Variants in FTMT observed in about 807,000 individuals in gnomAD.
FTMT encodes ferritin, mitochondrial.
A neutral mutation model predicts 4.9 loss-of-function variants in FTMT; 5 were observed. That is an observed-to-expected ratio of 1.03 (90% CI 0.54 to 2.16). FTMT has a LOEUF of 2.16. Ranked by LOEUF, FTMT falls within the 30% of genes most tolerant of loss-of-function variation. The pLI, the probability that FTMT is intolerant of heterozygous loss-of-function variation, is 0.01. For missense variants in FTMT, 393 were observed against 323.0 expected (o/e 1.22, Z -1.66); for synonymous variants, 174 against 143.6 (o/e 1.21, Z -1.51).
rs1224734188 is a variant in FTMT at position 121,852,600 on chromosome 5, C to G, written c.637C>G (p.His213Asp). The G allele has an allele frequency of 6.2e-7, 1 of 1,614,080 alleles. No individual in the cohort carries two copies. The change falls in exon 1 of 1, where the codon CAC (histidine) becomes GAC (aspartate). Residue 213 changes from histidine to aspartate, a missense_variant. Physicochemically the swap from His to Asp is moderately conservative, Grantham distance 81. Coordinates refer to ENST00000321339, the MANE Select transcript of FTMT (RefSeq NM_177478.2). ...KSIKELGDHV[H>D]NLVKMGAPDA... ...TATCAAAGAACTAGGTGACCACGTG[C>G]ACAACTTAGTGAAGATGGGGGCCCC...
rs760295418 is a variant in FTMT at position 121,852,321 on chromosome 5, C to T, written c.358C>T (p.Arg120Trp). 3.1e-6 allele frequency: 5 copies of T among 1,614,110 alleles called. No homozygotes were observed. The highest frequency in any genetic ancestry group is 3.3e-5 in the Admixed American group (2 of 60,016). ...CTCCAGGTATTTCCTTCACCAGTCC[C>T]GGGAGGAGACCGAGCACGCGGAGAA... ...NFSRYFLHQS[R>W]EETEHAEKLM... The change falls in exon 1 of 1, where the codon CGG becomes TGG. Residue 120 changes from arginine to tryptophan, a missense_variant. Transcript: ENST00000321339.
chr5:121,852,640 C>A lies in FTMT; in HGVS notation c.677C>A (p.Ala226Glu). Residue 226 changes from alanine (A) to glutamate (E), a missense_variant, in exon 1 of 1, where the codon GCG (alanine) becomes GAG (glutamate). Coordinates refer to ENST00000321339, the MANE Select transcript of FTMT (RefSeq NM_177478.2). ...ATGGGGGCCCCGGATGCTGGCCTGG[C>A]GGAGTACCTTTTTGACACACATACC... ...VKMGAPDAGLAEYLFDTHTLG... is the reference protein window; with the variant it reads ...VKMGAPDAGLEEYLFDTHTLG... 1.9e-6 allele frequency: 3 copies of A among 1,613,978 alleles called. No individual in the cohort carries two copies. Among genetic ancestry groups the A allele is most frequent in the Non-Finnish European group, 2.5e-6 (3 of 1,179,986 alleles).
Position 121,852,523 on chromosome 5 carries a change from C to G in FTMT, c.560C>G (p.Pro187Arg), listed in dbSNP as rs777579287. ...LHALASDKGDPHLCDFLETYY... is the reference protein window; with the variant it reads ...LHALASDKGDRHLCDFLETYY... ...GCTCTAGCCTCAGATAAAGGTGACC[C>G]CCATTTGTGCGATTTCCTGGAAACC... The change falls in exon 1 of 1, where the codon CCC (proline) becomes CGC (arginine). Residue 187 changes from proline (P) to arginine (R), a missense_variant. Coordinates refer to ENST00000321339, the MANE Select transcript of FTMT (RefSeq NM_177478.2). 1 of 1,614,082 alleles carries G rather than the reference C, an allele frequency of 6.2e-7. No homozygotes were observed. Among genetic ancestry groups the G allele is most frequent in the East Asian group, 2.2e-5 (1 of 44,858 alleles).
chr5:121,852,068 G>A lies in FTMT; in HGVS notation c.105G>A (p.Gly35=), dbSNP rs1161273212. 1.9e-6 allele frequency: 3 copies of A among 1,589,518 alleles called. No individual in the cohort carries two copies. The highest frequency in any genetic ancestry group is 1.1e-5 in the South Asian group (1 of 90,010). The change falls in exon 1 of 1, where the codon GGG becomes GGA. Residue 35 remains glycine, a synonymous_variant. Transcript: ENST00000321339. ...CFALPLRWAP[G]RPLDPRQIAP... is the part of the protein sequence containing the mutation. Reference sequence around the variant, plus strand: ...CGCTCCCGCTGCGTTGGGCCCCGGGGCGCCCCTTGGACCCCAGGCAGATCG... The same window carrying A: ...CGCTCCCGCTGCGTTGGGCCCCGGGACGCCCCTTGGACCCCAGGCAGATCG...
At position 121,852,418 on chromosome 5, in the gene FTMT, A is replaced by C. The variant is rs1365123063; in HGVS notation, c.455A>C (p.Asp152Ala). 1.2e-6 allele frequency: 2 copies of C among 1,614,102 alleles called. No homozygotes were observed. The highest frequency in any genetic ancestry group is 4.5e-5 in the East Asian group (2 of 44,842). ...GACATCAAGAAGCCGGAACAGGACG[A>C]CTGGGAAAGCGGGCTGCATGCCATG... ...LQDIKKPEQD[D>A]WESGLHAMEC... Residue 152 changes from aspartate to alanine, a missense_variant, in exon 1 of 1, where the codon GAC becomes GCC. Physicochemically the swap from Asp to Ala is moderately radical, Grantham distance 126. Transcript: ENST00000321339.
rs1239721883 is a variant in FTMT, at chr5:121,852,217, A to G, written c.254A>G (p.Asn85Ser). 15 of 1,613,952 alleles carry G rather than the reference A, an allele frequency of 9.3e-6. No homozygotes were observed. The highest frequency in any genetic ancestry group is 1.3e-5 in the Non-Finnish European group (15 of 1,179,998). ...DSEAAINRQI[N>S]LELYASYVYL... ...GAGGCTGCCATCAACCGCCAGATCA[A>G]CCTCGAGCTCTATGCGTCCTACGTG... is the stretch of plus-strand genomic sequence containing the variant. Residue 85 changes from asparagine to serine, a missense_variant, in exon 1 of 1, where the codon AAC (asparagine) becomes AGC (serine). Transcript: ENST00000321339.
Position 121,852,098 on chromosome 5 carries a change from C to A in FTMT, c.135C>A (p.Pro45=), listed in dbSNP as rs543809722. ...GRPLDPRQIA[P]RRPLAAAASS... Reference sequence around the variant, plus strand: ...CCTTGGACCCCAGGCAGATCGCCCCCCGCCGCCCCCTGGCCGCAGCCGCCT... The same window carrying A: ...CCTTGGACCCCAGGCAGATCGCCCCACGCCGCCCCCTGGCCGCAGCCGCCT... Residue 45 remains proline, a synonymous_variant, in exon 1 of 1, where the codon CCC becomes CCA. Transcript: ENST00000321339. 3.2e-6 allele frequency: 5 copies of A among 1,577,554 alleles called. No individual in the cohort carries two copies. In the South Asian group the frequency reaches 5.7e-5, roughly 18 times the overall value.
chr5:121,852,414 G>C lies in FTMT; in HGVS notation c.451G>C (p.Asp151His). The change falls in exon 1 of 1, where the codon GAC becomes CAC. Residue 151 changes from aspartate (D) to histidine (H), a missense_variant. Asp to His is a moderately conservative substitution (Grantham distance 81). Transcript: ENST00000321339. ...GCAGGACATCAAGAAGCCGGAACAG[G>C]ACGACTGGGAAAGCGGGCTGCATGC... is the stretch of plus-strand genomic sequence containing the variant. Reference protein sequence around the residue: ...RLQDIKKPEQDDWESGLHAME... With the variant: ...RLQDIKKPEQHDWESGLHAME... 6.2e-7 allele frequency: 1 copy of C among 1,614,162 alleles called. No homozygotes were observed. The highest frequency in any genetic ancestry group is 8.5e-7 in the Non-Finnish European group (1 of 1,180,038).
chr5:121,852,695 C>T lies in FTMT; in HGVS notation c.*3C>T, dbSNP rs745953340. 5 of 1,607,524 alleles carry T rather than the reference C, an allele frequency of 3.1e-6. No individual in the cohort carries two copies. The Admixed American group carries it at 6.7e-5, about 22-fold the overall frequency. The stretch of plus-strand genomic sequence containing the variant: ...GAAATGAAAACAAGCAGAACTAAGC[C>T]ACGAGCTGCCTTCCTCCCAGGCTAG... On this transcript the variant is annotated 3_prime_UTR_variant, in exon 1 of 1. Transcript: ENST00000321339.
In FTMT at chr5:121,852,543, G is replaced by C. The variant is rs1242858285; in HGVS notation, c.580G>C (p.Glu194Gln). 2 of 1,614,098 alleles carry C rather than the reference G, an allele frequency of 1.2e-6. No individual in the cohort carries two copies. Among genetic ancestry groups the C allele is most frequent in the East Asian group, 4.5e-5 (2 of 44,858 alleles). ...KGDPHLCDFL[E>Q]TYYLNEQVKS... is the part of the protein sequence containing the mutation. ...TGACCCCCATTTGTGCGATTTCCTG[G>C]AAACCTACTACCTGAATGAGCAGGT... Residue 194 changes from glutamate to glutamine, a missense_variant, in exon 1 of 1, where the codon GAA becomes CAA. Transcript: ENST00000321339.
Position 121,852,750 on chromosome 5 carries a change from C to G in FTMT, c.*58C>G. 1 of 1,544,574 alleles carries G rather than the reference C, an allele frequency of 6.5e-7. No individual in the cohort carries two copies. Among genetic ancestry groups the G allele is most frequent in the Non-Finnish European group, 8.7e-7 (1 of 1,144,294 alleles). On this transcript the variant is annotated 3_prime_UTR_variant, in exon 1 of 1. Coordinates refer to ENST00000321339, the MANE Select transcript of FTMT (RefSeq NM_177478.2). ...TCCAAAGACCAAAGTCAGCTGTCTC[C>G]TGCTTTCTTGCCCTTAAAATCACCT...
chr5:121,852,733 C>T lies in FTMT; in HGVS notation c.*41C>T. On this transcript the variant is annotated 3_prime_UTR_variant, in exon 1 of 1. Transcript: ENST00000321339. ...CCTCCCAGGCTAGTGGATCCAAAGA[C>T]CAAAGTCAGCTGTCTCCTGCTTTCT... 6.4e-7 allele frequency: 1 copy of T among 1,572,666 alleles called. No homozygotes were observed. Among genetic ancestry groups the T allele is most frequent in the Non-Finnish European group, 8.6e-7 (1 of 1,159,664 alleles).
Position 121,851,937 on chromosome 5 carries a change from T to C in FTMT, c.-27T>C. On this transcript the variant is annotated 5_prime_UTR_variant, in exon 1 of 1. Transcript: ENST00000321339. ...CCACGCCAAGAGGGCCGGGCCTCAG[T>C]TTCCCCACTTCCAAGGAGGCGGCGC... The C allele has an allele frequency of 6.4e-7, 1 of 1,561,360 alleles. No homozygotes were observed.
rs138610881 is a variant in FTMT, at chr5:121,852,627, G to A, written c.664G>A (p.Asp222Asn). 6.0e-5 allele frequency: 97 copies of A among 1,613,988 alleles called. No homozygotes were observed. The African/African-American group carries it at 1.1e-3, about 19-fold the overall frequency. ...VHNLVKMGAP[D>N]AGLAEYLFDT... ...CAACTTAGTGAAGATGGGGGCCCCGGATGCTGGCCTGGCGGAGTACCTTTT... is the reference window on the plus strand; with the variant it reads ...CAACTTAGTGAAGATGGGGGCCCCGAATGCTGGCCTGGCGGAGTACCTTTT... The change falls in exon 1 of 1, where the codon GAT (aspartate) becomes AAT (asparagine). Residue 222 changes from aspartate (D) to asparagine (N), a missense_variant. By Grantham distance (23) the Asp-to-Asn change is conservative. Coordinates refer to ENST00000321339, the MANE Select transcript of FTMT (RefSeq NM_177478.2).
Position 121,852,562 on chromosome 5 carries a change from A to C in FTMT, c.599A>C (p.Glu200Ala). The change falls in exon 1 of 1, where the codon GAG (glutamate) becomes GCG (alanine). Residue 200 changes from glutamate (E) to alanine (A), a missense_variant. Glu to Ala is a moderately radical substitution (Grantham distance 107). Transcript: ENST00000321339. ...CDFLETYYLNEQVKSIKELGD... is the reference protein window; with the variant it reads ...CDFLETYYLNAQVKSIKELGD... Reference sequence around the variant, plus strand: ...TTCCTGGAAACCTACTACCTGAATGAGCAGGTGAAGTCTATCAAAGAACTA... The same window carrying C: ...TTCCTGGAAACCTACTACCTGAATGCGCAGGTGAAGTCTATCAAAGAACTA... The C allele has an allele frequency of 3.1e-6, 5 of 1,614,114 alleles. No individual in the cohort carries two copies. The highest frequency in any genetic ancestry group is 4.2e-6 in the Non-Finnish European group (5 of 1,180,012).
At position 121,852,455 on chromosome 5, in the gene FTMT, A is replaced by C; in HGVS notation, c.492A>C (p.Leu164=). The C allele has an allele frequency of 6.2e-7, 1 of 1,613,586 alleles. No individual in the cohort carries two copies. Residue 164 remains leucine, a synonymous_variant, in exon 1 of 1, where the codon CTA becomes CTC. Transcript: ENST00000321339. ...ESGLHAMECA[L]LLEKNVNQSL... The stretch of plus-strand genomic sequence containing the variant: ...GGCTGCATGCCATGGAGTGTGCTCT[A>C]CTCTTGGAAAAGAACGTGAACCAGT...
rs1040499812 is a variant in FTMT at position 121,852,713 on chromosome 5, C to T, written c.*21C>T. On this transcript the variant is annotated 3_prime_UTR_variant, in exon 1 of 1. Coordinates refer to ENST00000321339, the MANE Select transcript of FTMT (RefSeq NM_177478.2). ...ACTAAGCCACGAGCTGCCTTCCTCC[C>T]AGGCTAGTGGATCCAAAGACCAAAG... is the stretch of plus-strand genomic sequence containing the variant. The T allele has an allele frequency of 6.3e-7, 1 of 1,595,584 alleles. No homozygotes were observed. Among genetic ancestry groups the T allele is most frequent in the Non-Finnish European group, 8.5e-7 (1 of 1,170,252 alleles).
chr5:121,851,989 C>T lies in FTMT; in HGVS notation c.26C>T (p.Ser9Phe). MLSCFRLL[S>F]RHISPSLASL... is the part of the protein sequence containing the mutation. ...ATGCTGTCCTGCTTCAGGCTCCTCT[C>T]CAGGCACATCAGCCCTTCGCTGGCG... The change falls in exon 1 of 1, where the codon TCC becomes TTC. Residue 9 changes from serine (S) to phenylalanine (F), a missense_variant. Coordinates refer to ENST00000321339, the MANE Select transcript of FTMT (RefSeq NM_177478.2). The T allele has an allele frequency of 6.3e-7, 1 of 1,593,226 alleles. No individual in the cohort carries two copies. Among genetic ancestry groups the T allele is most frequent in the Non-Finnish European group, 8.5e-7 (1 of 1,175,632 alleles).
chr5:121,852,503 A>G lies in FTMT; in HGVS notation c.540A>G (p.Leu180=), dbSNP rs754093239. ...VNQSLLELHA[L]ASDKGDPHLC... ...AGTCGTTGCTGGAATTGCACGCTCT[A>G]GCCTCAGATAAAGGTGACCCCCATT... Residue 180 remains leucine, a synonymous_variant, in exon 1 of 1, where the codon CTA becomes CTG. Coordinates refer to ENST00000321339, the MANE Select transcript of FTMT (RefSeq NM_177478.2). The G allele has an allele frequency of 2.5e-6, 4 of 1,614,128 alleles. No homozygotes were observed. The highest frequency in any genetic ancestry group is 2.2e-5 in the East Asian group (1 of 44,856).
Sources: allele counts gnomAD v4.1 joint callset, GRCh38; gene constraint gnomAD v4.1.1; transcripts MANE v1.5; gene names NCBI Gene and HGNC (gene_info 2026-07-23, HGNC 2026-07-21).